The following UVRAG variants were observed in gnomAD, a reference collection of about 807,000 sequenced individuals.
UVRAG encodes the protein UV radiation resistance-associated gene protein.
UVRAG carries 19 observed loss-of-function variants against 78.0 expected under a neutral mutation model. The observed-to-expected ratio is 0.24, with a 90% CI of 0.17 to 0.36. The LOEUF (loss-of-function observed/expected upper bound fraction) is 0.36. Ranked by LOEUF, UVRAG falls within the 10% of genes least tolerant of loss-of-function variation. UVRAG has a pLI of 1.00. For synonymous variants in UVRAG, 323 were observed against 324.6 expected (o/e 1.00, Z 0.05); for missense variants, 740 against 853.8 (o/e 0.87, Z 1.66).
intron 12 of UVRAG, among the ~76,000 whole-genome samples, chr11:76,038,697 T>C (rs536748103): frequency 6.6e-6 from 1 of 152,244 alleles, no homozygotes; most frequent in East Asian, 1.9e-4. Flanking sequence ...AGGCTTGGCC[T>C]AATCAAGTGA....
In UVRAG at chr11:76,016,723, T is replaced by A. The variant is rs575611933; in HGVS notation, c.1061-92T>A. The A allele has an allele frequency of 7.4e-5, 87 of 1,169,316 alleles. No individual in the cohort carries two copies. The African/African-American group carries it at 1.3e-3, about 18-fold the overall frequency. The allele number at this position is 1,169,316 out of a possible 1,614,324, so 72.4% of individuals were successfully genotyped here. A position where few individuals can be genotyped will look rare whatever the true frequency, so the allele number is the denominator to read the frequency against. On this transcript the variant is annotated intron_variant, in intron 11 of 14. Transcript: ENST00000356136. ...GTTAATATTTTATGTACCACATATT[T>A]TTATAAAATATTCTTTGAAAATTAT...
At chr11:75,909,653 A>G (rs1186569748) in intron 5 of UVRAG, among the ~76,000 whole-genome samples, 1 of 152,218 alleles carries the variant, frequency 6.6e-6, no homozygotes, top group Non-Finnish European at 1.5e-5. Flanking sequence ...TGGTGTGCCC[A>G]TCAAGATAGA....
At chr11:75,820,465 C>G (rs981188596) in intron 1 of UVRAG, among the ~76,000 whole-genome samples, 1 of 151,904 alleles carries the variant, frequency 6.6e-6, no homozygotes, top group South Asian at 2.1e-4. Context: ...AGCGATTCTC[C>G]TGCCTCAGCC....
intron 13 of UVRAG, among the ~76,000 whole-genome samples, chr11:76,112,257 C>A (rs73498262): frequency 1.1e-4 from 16 of 152,166 alleles, no homozygotes; most frequent in African/African-American, 3.9e-4. Context: ...TCTCAGTCAC[C>A]ACGTGAAAAG....
At chr11:75,867,410 C>G (rs1451679717) in intron 3 of UVRAG, among the ~76,000 whole-genome samples, 1 of 152,094 alleles carries the variant, frequency 6.6e-6, no homozygotes, top group East Asian at 1.9e-4. Context: ...TCTTTTGTGT[C>G]CGATTGCCAT....
intron 6 of UVRAG, among the ~76,000 whole-genome samples, chr11:75,960,116 CAG>C (rs1040386762): frequency 2.6e-5 from 4 of 151,678 alleles, no homozygotes; most frequent in Admixed American, 6.6e-5. Flanking sequence ...CAAAATGTGA[CAG>C]AGAGACATGA....
At chr11:76,118,183 GT>G (rs926463388) in intron 14 of UVRAG, among the ~76,000 whole-genome samples, 64 of 152,172 alleles carry the variant, frequency 4.2e-4, no homozygotes, top group Non-Finnish European at 6.6e-4. Context: ...TACAGTTTTG[GT>G]TGCTGTTGTA....
At position 75,854,066 on chromosome 11, in the gene UVRAG, G is replaced by A. The variant is rs556361686; in HGVS notation, c.235+2066G>A. Among the ~76,000 whole-genome samples, 9 of 152,246 alleles carry A rather than the reference G, an allele frequency of 5.9e-5. No homozygotes were observed. The South Asian group carries it at 1.9e-3, about 32-fold the overall frequency. On this transcript the variant is annotated intron_variant, in intron 2 of 14. Coordinates refer to ENST00000356136, the MANE Select transcript of UVRAG (RefSeq NM_003369.4). ...GCTGGGATTACAGGTGTGAGCTACT[G>A]TGCCCAGTCCATTCCATATTTTTGA...
At chr11:75,975,820 A>C (rs1201013000) in intron 7 of UVRAG, among the ~76,000 whole-genome samples, 1 of 152,198 alleles carries the variant, frequency 6.6e-6, no homozygotes, top group Non-Finnish European at 1.5e-5. Flanking sequence ...AAACAGGGAC[A>C]ATTTGACTTC....
intron 8 of UVRAG, among the ~76,000 whole-genome samples, chr11:75,985,914 T>C (rs1168063696): frequency 3.3e-5 from 5 of 152,176 alleles, no homozygotes; most frequent in African/African-American, 1.2e-4. Context: ...TATCTTGCTG[T>C]TTTAATTTTT....
At chr11:75,891,885 C>T (rs1947219624) in intron 5 of UVRAG, among the ~76,000 whole-genome samples, 1 of 150,600 alleles carries the variant, frequency 6.6e-6, no homozygotes, top group African/African-American at 2.4e-5. Context: ...CTTCACTGGG[C>T]AATGGACGAG....
At chr11:76,073,160 GA>G (rs777114468) in intron 13 of UVRAG, among the ~76,000 whole-genome samples, 2 of 152,124 alleles carry the variant, frequency 1.3e-5, no homozygotes, top group Non-Finnish European at 2.9e-5. Context: ...ATTAAATCAT[GA>G]CCCCTGAGTG....
intron 9 of UVRAG, among the ~76,000 whole-genome samples, 163 bp downstream of exon 9, chr11:76,004,252 T>C (rs1949880433): frequency 6.6e-6 from 1 of 152,220 alleles, no homozygotes; most frequent in Non-Finnish European, 1.5e-5. Flanking sequence ...GCACCTACTG[T>C]GTGTCATGCA....
intron 3 of UVRAG, among the ~76,000 whole-genome samples, chr11:75,875,129 A>G (rs1050797611): frequency 6.6e-6 from 1 of 152,180 alleles, no homozygotes; most frequent in Admixed American, 6.6e-5. Context: ...TTTTGGGGGA[A>G]AAATTTGCTG....
At chr11:75,968,844 CCTAT>C (rs1270235776) in intron 7 of UVRAG, among the ~76,000 whole-genome samples, 5 of 152,148 alleles carry the variant, frequency 3.3e-5, no homozygotes, top group Non-Finnish European at 7.4e-5. Context: ...AAAGATTTTA[CCTAT>C]CTTTTTCCTC....
intron 12 of UVRAG, among the ~76,000 whole-genome samples, chr11:76,041,512 A>G (rs961353867): frequency 6.6e-6 from 1 of 152,220 alleles, no homozygotes; most frequent in African/African-American, 2.4e-5. Context: ...GGAAGCACAG[A>G]CACCAAATGG....
intron 13 of UVRAG, among the ~76,000 whole-genome samples, chr11:76,114,548 A>G (rs190454930): frequency 1.1e-4 from 17 of 152,334 alleles, no homozygotes; most frequent in African/African-American, 3.8e-4. Context: ...ATTGGCTGAA[A>G]TAATATTCAA....
intron 1 of UVRAG, chr11:75,835,115 T>A (rs1945748849): frequency 6.6e-6 from 1 of 152,252 alleles, no homozygotes; most frequent in African/African-American, 2.4e-5. Context: ...CTATATCCTC[T>A]TATATACTGT....
In UVRAG at chr11:75,834,442, C is replaced by G. The variant is rs182370077; in HGVS notation, c.118-17441C>G. 2.0e-5 allele frequency among the ~76,000 whole-genome samples: 3 copies of G among 152,234 alleles called. No individual in the cohort carries two copies. In the East Asian group the frequency reaches 5.8e-4, roughly 29 times the overall value. On this transcript the variant is annotated intron_variant, in intron 1 of 14. Coordinates refer to ENST00000356136, the MANE Select transcript of UVRAG (RefSeq NM_003369.4). Reference sequence around the variant, plus strand: ...TTTGGTCACCCGGTCAAGGTGTCGTCTGATTTTTCAACTCTAATTCTTTGT... The same window carrying G: ...TTTGGTCACCCGGTCAAGGTGTCGTGTGATTTTTCAACTCTAATTCTTTGT...
Sources: allele counts gnomAD v4.1 joint callset (sites outside exome capture counted in the v4.1 genomes callset), GRCh38; gene constraint gnomAD v4.1.1; transcripts MANE v1.5; gene names NCBI Gene and HGNC (gene_info 2026-07-23, HGNC 2026-07-21).